PLEKHA7: variants seen among roughly 807,000 people sequenced by gnomAD.
The protein encoded by PLEKHA7 is pleckstrin homology domain-containing family A member 7.
PLEKHA7 carries 104 observed loss-of-function variants against 170.0 expected under a neutral mutation model. That is an observed-to-expected ratio of 0.61 (90% CI 0.52 to 0.72). The LOEUF is 0.72. Ranked by LOEUF, PLEKHA7 falls within the 30% of genes least tolerant of loss-of-function variation. The probability of loss-of-function intolerance (pLI) is 0.00; values close to 1 mark genes in which losing one functional copy is unlikely to be tolerated. For missense variants in PLEKHA7, 1,615 were observed against 1,671.7 expected (o/e 0.97, Z 0.59); for synonymous variants, 648 against 660.8 (o/e 0.98, Z 0.30).
chr11:17,004,472 A>G (rs1207043313), intron 3 of PLEKHA7, among the ~76,000 whole-genome samples: 1 of 150,662 alleles, frequency 6.6e-6, no homozygotes, highest in Non-Finnish European at 1.5e-5. Context: ...AGTTCACTGT[A>G]ACCTCTGCCT....
chr11:16,790,455 T>A, intron 21 of PLEKHA7: 1 of 229,470 alleles, frequency 4.4e-6, no homozygotes. Context: ...TTAATTTCTC[T>A]GGGCCTTAGT....
chr11:16,988,129 A>C (rs1253068296), intron 3 of PLEKHA7, among the ~76,000 whole-genome samples: 1 of 152,248 alleles, frequency 6.6e-6, no homozygotes, highest in Non-Finnish European at 1.5e-5. Flanking sequence ...CAGAGAAGGC[A>C]AATGTCTTGC....
chr11:16,968,046 G>T (rs1862481000), intron 3 of PLEKHA7, among the ~76,000 whole-genome samples: 1 of 152,160 alleles, frequency 6.6e-6, no homozygotes, highest in Admixed American at 6.5e-5. Flanking sequence ...AGAATAGATA[G>T]AACCCCACTT....
At chr11:16,924,190 C>A (rs1859310832) in intron 3 of PLEKHA7, among the ~76,000 whole-genome samples, 1 of 152,182 alleles carries the variant, frequency 6.6e-6, no homozygotes, top group African/African-American at 2.4e-5. Flanking sequence ...CTGATAAGGA[C>A]AGGAGGGAAA....
intron 3 of PLEKHA7, among the ~76,000 whole-genome samples, chr11:16,897,566 CA>C (rs1857073339): frequency 6.6e-6 from 1 of 152,136 alleles, no homozygotes; most frequent in South Asian, 2.1e-4. Context: ...ATTAAGTACA[CA>C]AGGCTTTAAA....
intron 3 of PLEKHA7, among the ~76,000 whole-genome samples, chr11:16,969,732 A>G (rs1314374661): frequency 1.3e-5 from 2 of 152,206 alleles, no homozygotes; most frequent in African/African-American, 4.8e-5. Context: ...GAGTTAGCAG[A>G]CTTGAAAGAT....
intron 3 of PLEKHA7, among the ~76,000 whole-genome samples, chr11:16,962,445 C>A (rs181355188): frequency 1.1e-4 from 17 of 152,328 alleles, no homozygotes; most frequent in African/African-American, 4.1e-4. Context: ...CCTGAGAACT[C>A]AAGTTCTGCC....
At chr11:17,005,269 G>A (rs1051858583) in intron 3 of PLEKHA7, among the ~76,000 whole-genome samples, 3 of 152,212 alleles carry the variant, frequency 2.0e-5, no homozygotes, top group Non-Finnish European at 2.9e-5. Context: ...GGTGGCCCAC[G>A]CCTGTAATCC....
chr11:17,000,489 G>T (rs1565195481), intron 3 of PLEKHA7, among the ~76,000 whole-genome samples: 1 of 152,118 alleles, frequency 6.6e-6, no homozygotes. Context: ...ATCATTTACT[G>T]CCCAGCTTCC....
chr11:16,951,220 A>G (rs997836524), intron 3 of PLEKHA7, among the ~76,000 whole-genome samples: 1 of 152,218 alleles, frequency 6.6e-6, no homozygotes, highest in Non-Finnish European at 1.5e-5. Context: ...ATACTGGTAT[A>G]GGAACCCAGG....
At position 16,786,412 on chromosome 11, in the gene PLEKHA7, C is replaced by T. The variant is rs539075364; in HGVS notation, c.3358-25G>A. On this transcript the variant is annotated intron_variant, in intron 23 of 26. Coordinates refer to ENST00000531066, the MANE Select transcript of PLEKHA7 (RefSeq NM_001329630.2). The stretch of plus-strand genomic sequence containing the variant: ...ACTGGCAACAGAACAAGAGGTTAAA[C>T]GTAGTCGCTTCCTGATTGCTGAAAG... The T allele has an allele frequency of 1.8e-4, 282 of 1,535,392 alleles. No individual in the cohort carries two copies. In the Middle Eastern group the frequency reaches 1.8e-3, roughly 10 times the overall value.
intron 3 of PLEKHA7, among the ~76,000 whole-genome samples, chr11:16,927,156 G>A (rs2136298230): frequency 6.6e-6 from 1 of 152,302 alleles, no homozygotes; most frequent in Non-Finnish European, 1.5e-5. Context: ...TCCATCCTGG[G>A]TGACAAAGCG....
intron 9 of PLEKHA7, 48 bp downstream of exon 9, chr11:16,841,499 A>C (rs1564994731): frequency 1.3e-6 from 2 of 1,582,098 alleles, no homozygotes; most frequent in Non-Finnish European, 1.7e-6. Context: ...CTGGGTCCCA[A>C]TCCTAGTGTA....
Position 16,923,206 on chromosome 11 carries a change from T to A in PLEKHA7, c.222-52024A>T, listed in dbSNP as rs567317233. 2.0e-5 allele frequency among the ~76,000 whole-genome samples: 3 copies of A among 152,354 alleles called. No homozygotes were observed. In the East Asian group the frequency reaches 5.8e-4, roughly 29 times the overall value. On this transcript the variant is annotated intron_variant, in intron 3 of 26. Coordinates refer to ENST00000531066, the MANE Select transcript of PLEKHA7 (RefSeq NM_001329630.2). ...GCCATTATCCACAAATATGCAGCCATGGCCAGCAGGCCAAAAGGTGAGACG... is the reference window on the plus strand; with the variant it reads ...GCCATTATCCACAAATATGCAGCCAAGGCCAGCAGGCCAAAAGGTGAGACG...
intron 26 of PLEKHA7, among the ~76,000 whole-genome samples, chr11:16,779,877 C>G (rs563548132): frequency 9.9e-5 from 15 of 152,116 alleles, no homozygotes; most frequent in African/African-American, 3.6e-4. Context: ...AGGCTCTGAA[C>G]TCACATCAAA....
chr11:16,945,024 C>T (rs1312183770), intron 3 of PLEKHA7, among the ~76,000 whole-genome samples: 1 of 152,122 alleles, frequency 6.6e-6, no homozygotes, highest in Non-Finnish European at 1.5e-5. Context: ...GCAACTTCTG[C>T]CTCCCGGGTT....
chr11:16,950,079 TGG>T (rs1861306120), intron 3 of PLEKHA7, among the ~76,000 whole-genome samples: 1 of 29,182 alleles, frequency 3.4e-5, no homozygotes, highest in African/African-American at 1.5e-4. Flanking sequence ...AAAGTGTGTG[TGG>T]GGCGGGGGGC....
chr11:16,894,267 A>G (rs1397013220), intron 3 of PLEKHA7, among the ~76,000 whole-genome samples: 1 of 152,124 alleles, frequency 6.6e-6, no homozygotes, highest in East Asian at 1.9e-4. Context: ...AAAGGGCAAA[A>G]TGGGATGATT....
At chr11:16,993,757 A>G (rs917815102) in intron 3 of PLEKHA7, among the ~76,000 whole-genome samples, 1 of 152,168 alleles carries the variant, frequency 6.6e-6, no homozygotes, top group African/African-American at 2.4e-5. Context: ...AGCCCTGTAT[A>G]TAAATGATCA....
Sources: allele counts gnomAD v4.1 joint callset (sites outside exome capture counted in the v4.1 genomes callset), GRCh38; gene constraint gnomAD v4.1.1; transcripts MANE v1.5; gene names NCBI Gene and HGNC (gene_info 2026-07-23, HGNC 2026-07-21).